Variants in SLCO1C1 observed in about 807,000 individuals in gnomAD.
SLCO1C1 encodes OAT-RP-5.
In SLCO1C1, 70 loss-of-function variants were observed where a neutral mutation model predicts 76.4. The observed-to-expected ratio is 0.92, with a 90% CI of 0.76 to 1.12. SLCO1C1 has a LOEUF of 1.12. Among genes scored for constraint, SLCO1C1 ranks in the 50% most tolerant of loss-of-function variants. The pLI, the probability that SLCO1C1 is intolerant of heterozygous loss-of-function variation, is 0.00. For synonymous variants in SLCO1C1, 306 were observed against 286.1 expected (o/e 1.07, Z -0.70); for missense variants, 912 against 823.8 (o/e 1.11, Z -1.31).
In SLCO1C1 at chr12:20,711,591, T is replaced by C. The variant is rs146645056; in HGVS notation, c.529+81T>C. The C allele has an allele frequency of 3.4e-5, 50 of 1,472,796 alleles. No individual in the cohort carries two copies. In the East Asian group the frequency reaches 9.9e-4, roughly 29 times the overall value. 91.2% of individuals were successfully genotyped at this position (1,472,796 alleles called of 1,614,324 possible). On this transcript the variant is annotated intron_variant, in intron 5 of 14. Transcript: ENST00000266509. ...GTGCTTTAGGATGGACAAAAGTGTC[T>C]ATGATTTTTGCTCCCAAAAGCTTTA...
intron 7 of SLCO1C1, among the ~76,000 whole-genome samples, chr12:20,717,985 T>C (rs1462367742): frequency 6.6e-6 from 1 of 152,106 alleles, no homozygotes; most frequent in Non-Finnish European, 1.5e-5. Flanking sequence ...GAAAGCAAAA[T>C]TCTTGCATTT....
chr12:20,738,953 G>A (rs988724084), intron 11 of SLCO1C1, among the ~76,000 whole-genome samples: 1 of 152,078 alleles, frequency 6.6e-6, no homozygotes, highest in African/African-American at 2.4e-5. Context: ...AAAAGTAAAT[G>A]CCAGCTTTAT....
At chr12:20,747,260 T>C (rs1472049587) in intron 13 of SLCO1C1, among the ~76,000 whole-genome samples, 1 of 151,976 alleles carries the variant, frequency 6.6e-6, no homozygotes, top group Non-Finnish European at 1.5e-5. Flanking sequence ...AACCCCAATC[T>C]CTACTAAAAA....
At chr12:20,736,339 G>A (rs1335813456) in intron 10 of SLCO1C1, among the ~76,000 whole-genome samples, 2 of 151,328 alleles carry the variant, frequency 1.3e-5, no homozygotes, top group Admixed American at 1.3e-4. Context: ...CCAATTTTGG[G>A]GGGGGGTGCA....
intron 10 of SLCO1C1, 143 bp downstream of exon 10, chr12:20,733,247 A>G: frequency 1.4e-6 from 1 of 737,638 alleles, no homozygotes; most frequent in South Asian, 2.6e-5. Flanking sequence ...ATAACTGACA[A>G]TACCTAGAAT....
intron 11 of SLCO1C1, 47 bp downstream of exon 11, chr12:20,737,319 T>C (rs368897765): frequency 3.3e-6 from 5 of 1,518,992 alleles, no homozygotes; most frequent in Non-Finnish European, 4.4e-6. Context: ...TGTTACAATA[T>C]AAACAACAAA....
At chr12:20,719,869 G>A (rs1351705990) in intron 7 of SLCO1C1, among the ~76,000 whole-genome samples, 1 of 152,222 alleles carries the variant, frequency 6.6e-6, no homozygotes, top group African/African-American at 2.4e-5. Context: ...ATTGATGAAA[G>A]TGGCTATGCT....
In SLCO1C1 at chr12:20,733,032, T is replaced by A; in HGVS notation, c.1310T>A (p.Leu437His). 6.2e-7 allele frequency: 1 copy of A among 1,613,464 alleles called. No individual in the cohort carries two copies. ...TTGGGATCATCTGTCTTTGGTTACC[T>A]CCTATTTCTTTCCCTGTTTGCACTG... ...LYLGSSVFGY[L>H]LFLSLFALGC... The change falls in exon 10 of 15, where the codon CTC becomes CAC. Residue 437 changes from leucine to histidine, a missense_variant. Leu to His is a moderately conservative substitution (Grantham distance 99). Coordinates refer to ENST00000266509, the MANE Select transcript of SLCO1C1 (RefSeq NM_017435.5).
At chr12:20,711,857 C>T (rs896450549) in intron 5 of SLCO1C1, among the ~76,000 whole-genome samples, 1 of 152,134 alleles carries the variant, frequency 6.6e-6, no homozygotes, top group African/African-American at 2.4e-5. Flanking sequence ...TAATTTTTCC[C>T]GTAAGTCAAC....
At chr12:20,720,416 T>C (rs1947606990) in intron 7 of SLCO1C1, among the ~76,000 whole-genome samples, 1 of 152,218 alleles carries the variant, frequency 6.6e-6, no homozygotes, top group Non-Finnish European at 1.5e-5. Flanking sequence ...TCAGTAGTGA[T>C]TTCTAATGAT....
chr12:20,730,998 C>G (rs2120815448), intron 9 of SLCO1C1, among the ~76,000 whole-genome samples: 1 of 152,290 alleles, frequency 6.6e-6, no homozygotes, highest in East Asian at 1.9e-4. Context: ...GGCTTTGAGT[C>G]AACACGCCTG....
chr12:20,734,505 C>A (rs1028092839), intron 10 of SLCO1C1, among the ~76,000 whole-genome samples: 6 of 152,142 alleles, frequency 3.9e-5, no homozygotes, highest in African/African-American at 9.7e-5. Context: ...TTGTGATTTC[C>A]AAAACACCTT....
intron 8 of SLCO1C1, among the ~76,000 whole-genome samples, chr12:20,722,325 C>T (rs2120755789): frequency 6.6e-6 from 1 of 152,354 alleles, no homozygotes; most frequent in African/African-American, 2.4e-5. Context: ...ATTGCTGCTT[C>T]CTGTAATTCT....
chr12:20,750,568 T>G, intron 13 of SLCO1C1, 107 bp from the exon 14 acceptor site: 1 of 997,880 alleles, frequency 1.0e-6, no homozygotes, highest in Non-Finnish European at 1.5e-6. Context: ...TGATGGCCTT[T>G]CATCTCCAAA....
chr12:20,711,062 T>C lies in SLCO1C1; in HGVS notation c.405-324T>C, dbSNP rs75567338. 6.1e-3 allele frequency among the ~76,000 whole-genome samples: 928 copies of C among 152,110 alleles called. 45 individuals carry two copies. In the East Asian group the frequency reaches 0.13, roughly 21 times the overall value. ...CATAAAATACACTAACAACAGTTGATGAGCTAAAAAAAATTGCAAAAAGAA... is the reference window on the plus strand; with the variant it reads ...CATAAAATACACTAACAACAGTTGACGAGCTAAAAAAAATTGCAAAAAGAA... On this transcript the variant is annotated intron_variant, in intron 4 of 14. Coordinates refer to ENST00000266509, the MANE Select transcript of SLCO1C1 (RefSeq NM_017435.5).
chr12:20,696,911 A>G (rs1380347604), intron 1 of SLCO1C1: 2 of 152,120 alleles, frequency 1.3e-5, no homozygotes, highest in Non-Finnish European at 2.9e-5. Context: ...CAGTAAAGCT[A>G]TGCAGTGCCA....
chr12:20,752,636 A>T lies in SLCO1C1; in HGVS notation c.*108A>T. On this transcript the variant is annotated 3_prime_UTR_variant, in exon 15 of 15. Transcript: ENST00000266509. ...TGTAATTTCTTTCTCCTTTCAAAAA[A>T]TGTCTACTTTGTTTTGGTCCTAGGC... 1.1e-6 allele frequency: 1 copy of T among 935,836 alleles called. No homozygotes were observed. Among genetic ancestry groups the T allele is most frequent in the Non-Finnish European group, 1.5e-6 (1 of 646,342 alleles). The allele number at this position is 935,836 out of a possible 1,614,324, so 58.0% of individuals were successfully genotyped here. A position where few individuals can be genotyped will look rare whatever the true frequency, so the allele number is the denominator to read the frequency against.
At chr12:20,735,576 G>C (rs1422033639) in intron 10 of SLCO1C1, among the ~76,000 whole-genome samples, 2 of 152,150 alleles carry the variant, frequency 1.3e-5, no homozygotes, top group East Asian at 3.8e-4. Flanking sequence ...TTTTATGGAA[G>C]AGAATAGGAT....
At chr12:20,695,890 T>C (rs2120568029) in intron 1 of SLCO1C1, 83 bp downstream of exon 1, 1 of 152,236 alleles carries the variant, frequency 6.6e-6, no homozygotes, top group Admixed American at 6.5e-5. Flanking sequence ...TTCTGTGCGA[T>C]TTATGTTTTA....
Sources: gnomAD v4.1 joint callset for allele counts (sites outside exome capture counted in the v4.1 genomes callset) on GRCh38, gnomAD v4.1.1 for gene constraint, MANE v1.5 for transcripts, NCBI Gene and HGNC (gene_info 2026-07-23, HGNC 2026-07-21) for gene names.